Variants in GREB1 observed in about 807,000 individuals in gnomAD.
GREB1 encodes growth regulating estrogen receptor binding 1, also known as protein GREB1.
GREB1 carries 106 observed loss-of-function variants against 200.7 expected under a neutral mutation model. The observed-to-expected ratio is 0.53, with a 90% CI of 0.45 to 0.62. The LOEUF (loss-of-function observed/expected upper bound fraction) is 0.62. Among genes scored for constraint, GREB1 ranks in the 20% least tolerant of loss-of-function variants. The pLI is 0.00. For missense variants in GREB1, 2,243 were observed against 2,556.8 expected (o/e 0.88, Z 2.65); for synonymous variants, 1,132 against 1,092.4 (o/e 1.04, Z -0.72).
chr2:11,485,413 C>G (rs2148394023), intron 1 of GREB1, among the ~76,000 whole-genome samples: 1 of 151,732 alleles, frequency 6.6e-6, no homozygotes, highest in East Asian at 1.9e-4. Flanking sequence ...AGCTGGGATC[C>G]CAGGTGTGCA....
intron 18 of GREB1, among the ~76,000 whole-genome samples, chr2:11,611,921 C>T (rs1356893699): frequency 5.9e-5 from 9 of 152,232 alleles, no homozygotes; most frequent in South Asian, 4.1e-4. Context: ...TGGTTGGGCG[C>T]GGTGGCTTAC....
At chr2:11,531,743 G>GT (rs561986722), upstream of GREB1, among the ~76,000 whole-genome samples, 5 of 152,192 alleles carry the variant, frequency 3.3e-5, no homozygotes, top group East Asian at 9.7e-4. Flanking sequence ...GCTAATTTTT[G>GT]TATTTTTAGT....
rs372034136 is a variant in GREB1 at position 11,638,706 on chromosome 2, T to G, written c.5583T>G (p.Ser1861=). 2.5e-6 allele frequency: 4 copies of G among 1,614,194 alleles called. No homozygotes were observed. The highest frequency in any genetic ancestry group is 3.4e-6 in the Non-Finnish European group (4 of 1,179,998). Residue 1861 remains serine, a synonymous_variant, in exon 32 of 33, where the codon TCT becomes TCG. Coordinates refer to ENST00000381486, the MANE Select transcript of GREB1 (RefSeq NM_014668.4). ...SVCYVSSRPH[S]LNISCSDLLF... ...GCTATGTGAGCTCCAGGCCCCACTC[T>G]TTAAACATCAGCTGCTCGGACTTGC...
At chr2:11,560,331 G>A (rs1009487085) in intron 2 of GREB1, among the ~76,000 whole-genome samples, 6 of 152,164 alleles carry the variant, frequency 3.9e-5, no homozygotes, top group Admixed American at 6.6e-5. Context: ...TGGATGGATG[G>A]ACGGTGTTAG....
At chr2:11,537,319 C>G (rs1263745029) in intron 1 of GREB1, among the ~76,000 whole-genome samples, 1 of 152,092 alleles carries the variant, frequency 6.6e-6, no homozygotes, top group Admixed American at 6.6e-5. Flanking sequence ...AGGTGGCAAG[C>G]TTCATATTGG....
chr2:11,625,464 AG>A (rs1184753441), intron 24 of GREB1, 152 bp downstream of exon 24: 1 of 710,578 alleles, frequency 1.4e-6, no homozygotes. Context: ...TCCCTGTATA[AG>A]GAAGGGAGGA....
intron 1 of GREB1, among the ~76,000 whole-genome samples, chr2:11,502,012 G>A (rs1673062190): frequency 7.0e-6 from 1 of 143,052 alleles, no homozygotes; most frequent in South Asian, 2.3e-4. Context: ...CACCTCCCGG[G>A]TTCAAGCGGT....
chr2:11,633,358 C>T lies in GREB1; in HGVS notation c.4991+295C>T, dbSNP rs6726531. 4.6e-5 allele frequency among the ~76,000 whole-genome samples: 7 copies of T among 151,872 alleles called. No individual in the cohort carries two copies. The South Asian group carries it at 1.5e-3, about 32-fold the overall frequency. On this transcript the variant is annotated intron_variant, in intron 28 of 32. Coordinates refer to ENST00000381486, the MANE Select transcript of GREB1 (RefSeq NM_014668.4). The surrounding 1 kb of genome is among the most constrained non-coding windows in gnomAD (Gnocchi z 4.1). Reference sequence around the variant, plus strand: ...TGGGTGGATCACGAGGTCAGGAGATCGAGACCATCCTGGCTAACACGGTGA... The same window carrying T: ...TGGGTGGATCACGAGGTCAGGAGATTGAGACCATCCTGGCTAACACGGTGA...
intron 1 of GREB1, among the ~76,000 whole-genome samples, chr2:11,510,388 G>A (rs1673315983): frequency 6.6e-6 from 1 of 152,136 alleles, no homozygotes; most frequent in South Asian, 2.1e-4. Context: ...TTCATCATTG[G>A]ATTTAGCCAC....
At chr2:11,615,017 C>A in intron 19 of GREB1, 74 bp from the exon 20 acceptor site, 1 of 1,157,290 alleles carries the variant, frequency 8.6e-7, no homozygotes, top group Non-Finnish European at 1.3e-6. Flanking sequence ...CCGATCAGTG[C>A]TGCCTGCCGC....
At chr2:11,588,313 T>G in intron 9 of GREB1, 7 of 1,118,638 alleles carry the variant, frequency 6.3e-6, no homozygotes, top group Non-Finnish European at 7.7e-6. Flanking sequence ...CCTGGGAGAA[T>G]GCAGGGCAGA....
chr2:11,625,315 C>T lies in GREB1; in HGVS notation c.4306+3C>T. ...CTATCAGGGTATAAAGAGTGAAGGT[C>T]AGACTTTGAATCTCTCGTTTCACCT... On this transcript the variant is annotated splice_donor_region_variant and intron_variant, in intron 24 of 32. Transcript: ENST00000381486. 1.2e-6 allele frequency: 2 copies of T among 1,613,862 alleles called. No individual in the cohort carries two copies. The highest frequency in any genetic ancestry group is 1.7e-6 in the Non-Finnish European group (2 of 1,179,784).
intron 23 of GREB1, among the ~76,000 whole-genome samples, chr2:11,621,444 G>C (rs1208688262): frequency 6.6e-6 from 1 of 152,226 alleles, no homozygotes; most frequent in African/African-American, 2.4e-5. Context: ...TCAGGCAGCT[G>C]AGCAGGGAGG....
intron 6 of GREB1, among the ~76,000 whole-genome samples, chr2:11,578,869 G>A (rs75799626): frequency 2.0e-5 from 3 of 152,320 alleles, no homozygotes; most frequent in East Asian, 1.9e-4. Flanking sequence ...GTGAGCAGGC[G>A]TCAGTTTCCA....
At chr2:11,607,301 C>G (rs1682394389) in intron 17 of GREB1, among the ~76,000 whole-genome samples, 1 of 151,792 alleles carries the variant, frequency 6.6e-6, no homozygotes, top group South Asian at 2.1e-4. Context: ...CCCCTTGCCT[C>G]AAGTGATTCT....
At chr2:11,613,829 T>C (rs10174816) in intron 19 of GREB1, among the ~76,000 whole-genome samples, 19,015 of 152,158 alleles carry the variant, frequency 0.12, 3,962 homozygotes, top group African/African-American at 0.43. Context: ...TACCATCCTG[T>C]TTCATGGTTG....
In GREB1 at chr2:11,627,105, G is replaced by C. The variant is rs112745243; in HGVS notation, c.4449+1G>C. ...CATGGGCTTCCACCCCCGCTACCAG[G>C]TAGGCCCCAGCAGTTCCCCACCAGG... On this transcript the variant is annotated splice_donor_variant, in intron 25 of 32. Transcript: ENST00000381486. LOFTEE classifies it high-confidence loss of function. 2 of 1,588,502 alleles carry C rather than the reference G, an allele frequency of 1.3e-6. No individual in the cohort carries two copies. Among genetic ancestry groups the C allele is most frequent in the Non-Finnish European group, 1.7e-6 (2 of 1,166,034 alleles).
intron 32 of GREB1, among the ~76,000 whole-genome samples, chr2:11,639,036 C>A (rs13392716): frequency 6.6e-6 from 1 of 152,004 alleles, no homozygotes; most frequent in Non-Finnish European, 1.5e-5. Context: ...AGACACATCC[C>A]CCTTTCTTTT....
At chr2:11,483,684 A>AGG (rs1491261878) in intron 1 of GREB1, among the ~76,000 whole-genome samples, 1 of 104,976 alleles carries the variant, frequency 9.5e-6, no homozygotes, top group African/African-American at 4.1e-5. Flanking sequence ...AAGTACAAGA[A>AGG]GGGGTGTGTG....
Sources: gnomAD v4.1 joint callset for allele counts (sites outside exome capture counted in the v4.1 genomes callset) on GRCh38, gnomAD v4.1.1 for gene constraint, Gnocchi (gnomAD v3.1) non-coding constraint, MANE v1.5 for transcripts, NCBI Gene and HGNC (gene_info 2026-07-23, HGNC 2026-07-21) for gene names.